FAM185A: variants seen among roughly 807,000 people sequenced by gnomAD.
The protein encoded by FAM185A is protein FAM185A.
In FAM185A, 21 loss-of-function variants were observed where a neutral mutation model predicts 45.7. The ratio of observed to expected loss-of-function variants is 0.46; its 90% CI spans 0.33 to 0.66. FAM185A has a LOEUF of 0.66. Among genes scored for constraint, FAM185A ranks in the 30% least tolerant of loss-of-function variants. The pLI is 0.03. For missense variants in FAM185A, 305 were observed against 485.4 expected (o/e 0.63, Z 3.49); for synonymous variants, 117 against 194.0 (o/e 0.60, Z 3.30).
chr7:102,821,929 T>G, the FAM185A span: 4 of 1,198,438 alleles, frequency 3.3e-6, no homozygotes, highest in Non-Finnish European at 4.7e-6. Context: ...TAAAATGAAA[T>G]GAAACTTCCT....
chr7:102,763,974 G>C (rs1584289539), intron 4 of FAM185A, among the ~76,000 whole-genome samples: 1 of 152,164 alleles, frequency 6.6e-6, no homozygotes, highest in African/African-American at 2.4e-5. Flanking sequence ...CCTTTGGGAT[G>C]TTACTTCCCA....
At chr7:102,834,756 A>G in the FAM185A span, 2 of 152,110 alleles carry the variant, frequency 1.3e-5, no homozygotes, top group South Asian at 2.1e-4. Context: ...TGATGACTAT[A>G]GTTAGTAACG....
At chr7:102,832,907 A>G in the FAM185A span, 6 of 1,614,232 alleles carry the variant, frequency 3.7e-6, no homozygotes, top group East Asian at 1.3e-4. Flanking sequence ...TTTGATAATC[A>G]TATCTGACAG....
chr7:102,813,287 T>C (rs951176692), downstream of FAM185A: 1 of 1,496,342 alleles, frequency 6.7e-7, no homozygotes, highest in African/African-American at 1.4e-5. Context: ...TTGCAACAAA[T>C]GGAGAAAACT....
chr7:102,763,930 A>T (rs1456779964), intron 4 of FAM185A, among the ~76,000 whole-genome samples: 1 of 152,224 alleles, frequency 6.6e-6, no homozygotes, highest in Non-Finnish European at 1.5e-5. Context: ...GAAGGATTAA[A>T]TATACTTTCT....
chr7:102,750,268 C>A (rs1392522885), intron 1 of FAM185A, among the ~76,000 whole-genome samples: 1 of 152,200 alleles, frequency 6.6e-6, no homozygotes, highest in Non-Finnish European at 1.5e-5. Flanking sequence ...TCCTAAATGG[C>A]AAGCCACTGT....
At chr7:102,823,948 GA>G in the FAM185A span, among the ~76,000 whole-genome samples, 15 of 151,734 alleles carry the variant, frequency 9.9e-5, no homozygotes, top group African/African-American at 3.6e-4. Flanking sequence ...TGATGTCATT[GA>G]TAAAAGAAAA....
chr7:102,831,720 G>A, the FAM185A span, among the ~76,000 whole-genome samples: 1 of 151,976 alleles, frequency 6.6e-6, no homozygotes, highest in African/African-American at 2.4e-5. Context: ...CTCTACTGTT[G>A]GCTTAGGATT....
At chr7:102,793,488 C>T (rs567970265) in intron 7 of FAM185A, among the ~76,000 whole-genome samples, 5 of 152,094 alleles carry the variant, frequency 3.3e-5, no homozygotes, top group East Asian at 3.9e-4. Context: ...GGATTACAGG[C>T]GTGAGCCACT....
At chr7:102,789,621 A>G (rs1482453183) in intron 7 of FAM185A, among the ~76,000 whole-genome samples, 1 of 152,298 alleles carries the variant, frequency 6.6e-6, no homozygotes, top group Non-Finnish European at 1.5e-5. Context: ...AGGAAAAAGA[A>G]TCCCTTGAAC....
chr7:102,772,839 T>G (rs1003012707), intron 5 of FAM185A, among the ~76,000 whole-genome samples: 1 of 150,978 alleles, frequency 6.6e-6, no homozygotes, highest in African/African-American at 2.4e-5. Flanking sequence ...AACTAGTTAG[T>G]CAACATGTAT....
chr7:102,808,463 A>G lies in FAM185A; in HGVS notation c.*61A>G. On this transcript the variant is annotated 3_prime_UTR_variant, in exon 8 of 8. Transcript: ENST00000413034. ...GATTCGCAGATCTGTGACTACAAAA[A>G]TGTAAATCCCACCATTCATATAAAG... 9.9e-7 allele frequency: 1 copy of G among 1,007,762 alleles called. No homozygotes were observed. The highest frequency in any genetic ancestry group is 1.5e-6 in the Non-Finnish European group (1 of 654,890). 62.4% of individuals were successfully genotyped at this position (1,007,762 alleles called of 1,614,324 possible).
chr7:102,828,643 A>G, the FAM185A span, among the ~76,000 whole-genome samples: 15 of 152,178 alleles, frequency 9.9e-5, no homozygotes, highest in Non-Finnish European at 1.5e-5. Context: ...AATGAGGGTA[A>G]TTTAAAACAG....
In FAM185A at chr7:102,786,841, A is replaced by AAAAG. The variant is rs57986331; in HGVS notation, c.932-494_932-493insAAAG. On this transcript the variant is annotated intron_variant, in intron 6 of 7. Transcript: ENST00000413034. Reference sequence around the variant, plus strand: ...CTTAAAGTATAATAAAAAAAAAAAAACATGGGCTTTGTAATTATTGAGCTG... The same window carrying AAAAG: ...CTTAAAGTATAATAAAAAAAAAAAAAAAAGCATGGGCTTTGTAATTATTGAGCTG... Among the ~76,000 whole-genome samples, 4 of 151,268 alleles carry AAAAG rather than the reference A, an allele frequency of 2.6e-5. No individual in the cohort carries two copies. The East Asian group carries it at 5.8e-4, about 22-fold the overall frequency.
At position 102,799,313 on chromosome 7, in the gene FAM185A, C is replaced by T. The variant is rs560236754; in HGVS notation, c.1067-8977C>T. 8.9e-4 allele frequency among the ~76,000 whole-genome samples: 136 copies of T among 152,158 alleles called. 1 individual carries two copies. Among genetic ancestry groups the T allele is most frequent in the Admixed American group, 1.8e-3 (28 of 15,300 alleles). ...TAGCAAGAGAAGAAGAGGGAAAAAGCTTACGGGAGGTCCTTGAATACTCAA... is the reference window on the plus strand; with the variant it reads ...TAGCAAGAGAAGAAGAGGGAAAAAGTTTACGGGAGGTCCTTGAATACTCAA... On this transcript the variant is annotated intron_variant, in intron 7 of 7. Coordinates refer to ENST00000413034, the MANE Select transcript of FAM185A (RefSeq NM_001145268.2).
intron 2 of FAM185A, 41 bp from the exon 3 acceptor site, chr7:102,757,813 C>A: frequency 1.4e-6 from 2 of 1,412,672 alleles, no homozygotes; most frequent in South Asian, 2.6e-5. Flanking sequence ...GTCACACTTA[C>A]TCTCTTTTTC....
At chr7:102,779,607 GTT>G (rs1231970187) in intron 6 of FAM185A, 2 of 152,034 alleles carry the variant, frequency 1.3e-5, no homozygotes, top group African/African-American at 4.8e-5. Flanking sequence ...GGTTGTTTTT[GTT>G]TTGTTTTTTC....
the FAM185A span, chr7:102,827,275 C>T: frequency 2.9e-6 from 1 of 346,532 alleles, no homozygotes; most frequent in Non-Finnish European, 6.4e-6. Flanking sequence ...CCAACCAGCT[C>T]TAAGGGGAGT....
chr7:102,766,456 G>A (rs1233700703), intron 4 of FAM185A, among the ~76,000 whole-genome samples: 1 of 152,154 alleles, frequency 6.6e-6, no homozygotes, highest in African/African-American at 2.4e-5. Context: ...TTTTCAAGAA[G>A]TACAATTTAC....
Sources: gnomAD v4.1 joint callset for allele counts (sites outside exome capture counted in the v4.1 genomes callset) on GRCh38, gnomAD v4.1.1 for gene constraint, MANE v1.5 for transcripts, NCBI Gene and HGNC (gene_info 2026-07-23, HGNC 2026-07-21) for gene names.